Variants in CTNNA1 observed in about 807,000 individuals in gnomAD.
CTNNA1 encodes the protein catenin alpha 1.
Under a neutral mutation model 98.4 loss-of-function variants are expected in CTNNA1, and 37 were observed. That is an observed-to-expected ratio of 0.38 (90% CI 0.29 to 0.49). CTNNA1 has a LOEUF of 0.49. CTNNA1 is among the 20% of genes least tolerant of loss of function. CTNNA1 has a pLI of 0.95. For missense variants in CTNNA1, 761 were observed against 1,147.2 expected, an observed-to-expected ratio of 0.66 and a Z score of 4.86; for synonymous variants, 404 against 413.2, an observed-to-expected ratio of 0.98 and a Z score of 0.27.
At chr5:138,819,333 C>T (rs116802170) in intron 5 of CTNNA1, among the ~76,000 whole-genome samples, 1,781 of 152,216 alleles carry the variant, frequency 0.012, 29 homozygotes, top group African/African-American at 0.041. Flanking sequence ...AACAGCACAG[C>T]GATTACTCTA....
At chr5:138,887,361 G>A in intron 8 of CTNNA1, 129 bp from the exon 9 acceptor site, 10 of 594,252 alleles carry the variant, frequency 1.7e-5, no homozygotes, top group Non-Finnish European at 2.6e-5. Flanking sequence ...TTACATGAGG[G>A]GTCCTCATGT....
At chr5:138,915,428 A>T (rs757249815) in intron 10 of CTNNA1, among the ~76,000 whole-genome samples, 36 of 152,214 alleles carry the variant, frequency 2.4e-4, no homozygotes, top group Non-Finnish European at 1.2e-4. Flanking sequence ...GGGGAAAATA[A>T]CAAGTGTTAG....
intron 1 of CTNNA1, among the ~76,000 whole-genome samples, chr5:138,779,248 G>A (rs907892646): frequency 6.6e-6 from 1 of 152,116 alleles, no homozygotes; most frequent in Non-Finnish European, 1.5e-5. Context: ...AGTGGGGGTT[G>A]CAAGATGGTC....
chr5:138,837,569 TCTC>T (rs1374774899), intron 7 of CTNNA1, among the ~76,000 whole-genome samples: 1 of 133,594 alleles, frequency 7.5e-6, no homozygotes. Flanking sequence ...TCTCTTCTCT[TCTC>T]CTCTCTCCTC....
At chr5:138,792,344 C>A (rs1227046400) in intron 3 of CTNNA1, among the ~76,000 whole-genome samples, 1 of 152,184 alleles carries the variant, frequency 6.6e-6, no homozygotes, top group African/African-American at 2.4e-5. Flanking sequence ...TGGCAACTGA[C>A]TAGAGTCAAG....
At chr5:138,909,915 G>A (rs541957696) in intron 10 of CTNNA1, among the ~76,000 whole-genome samples, 77 of 152,294 alleles carry the variant, frequency 5.1e-4, no homozygotes, top group Admixed American at 1.7e-3. Flanking sequence ...GGCTTCAGCT[G>A]TCACTTAACC....
chr5:138,787,623 A>C (rs908333231), intron 3 of CTNNA1, among the ~76,000 whole-genome samples: 15 of 152,218 alleles, frequency 9.9e-5, no homozygotes, highest in Admixed American at 4.6e-4. Context: ...GTCTTCAAAA[A>C]GGTAGTTATT....
rs772061558 is a variant in CTNNA1, at chr5:138,783,270, C to T, written c.199C>T (p.Gln67Ter). ...KAHVLAASVE[Q>*]ATENFLEKGD... ...CCATGTTTTGGCTGCATCTGTTGAA[C>T]AAGCAACTGAGAATTTCTTGGAGAA... Residue 67 changes from glutamine to a stop codon, truncating the protein, a stop_gained, in exon 3 of 18, where the codon CAA (glutamine) becomes TAA (stop). Coordinates refer to ENST00000302763, the MANE Select transcript of CTNNA1 (RefSeq NM_001903.5). LOFTEE classifies it high-confidence loss of function. The T allele has an allele frequency of 6.2e-7, 1 of 1,614,072 alleles. No homozygotes were observed. The highest frequency in any genetic ancestry group is 8.5e-7 in the Non-Finnish European group (1 of 1,179,984).
At position 138,837,463 on chromosome 5, in the gene CTNNA1, C is replaced by T. The variant is rs527824696; in HGVS notation, c.1062+9745C>T. 6.6e-5 allele frequency among the ~76,000 whole-genome samples: 9 copies of T among 135,466 alleles called. No individual in the cohort carries two copies. In the South Asian group the frequency reaches 8.6e-4, roughly 13 times the overall value. 88.9% of individuals were successfully genotyped at this position (135,466 alleles called of 152,430 possible). A position where few individuals can be genotyped will look rare whatever the true frequency, so the allele number is the denominator to read the frequency against. On this transcript the variant is annotated intron_variant, in intron 7 of 17. Coordinates refer to ENST00000302763, the MANE Select transcript of CTNNA1 (RefSeq NM_001903.5). ...TTCTTCTTTCCTCCTGTTCCTCCTCCTCCCCCTCCTCTTGATCCTCCCCCT... is the reference window on the plus strand; with the variant it reads ...TTCTTCTTTCCTCCTGTTCCTCCTCTTCCCCCTCCTCTTGATCCTCCCCCT...
At chr5:138,918,205 T>C (rs767789786) in intron 11 of CTNNA1, among the ~76,000 whole-genome samples, 1 of 152,076 alleles carries the variant, frequency 6.6e-6, no homozygotes, top group Non-Finnish European at 1.5e-5. Context: ...AGTGAGGTCT[T>C]TCAACTGGGA....
At chr5:138,827,328 C>T (rs973486664) in intron 6 of CTNNA1, among the ~76,000 whole-genome samples, 187 bp from the exon 7 acceptor site, 3 of 152,184 alleles carry the variant, frequency 2.0e-5, no homozygotes, top group Non-Finnish European at 4.4e-5. Flanking sequence ...CCACTGCTTT[C>T]TTTGAGGAGT....
chr5:138,899,948 A>G (rs1757674391), intron 9 of CTNNA1, among the ~76,000 whole-genome samples: 1 of 152,202 alleles, frequency 6.6e-6, no homozygotes, highest in Non-Finnish European at 1.5e-5. Context: ...TCTATTATCC[A>G]TGCATACTTC....
At chr5:138,878,663 G>T (rs1752193708) in intron 7 of CTNNA1, among the ~76,000 whole-genome samples, 1 of 152,172 alleles carries the variant, frequency 6.6e-6, no homozygotes, top group African/African-American at 2.4e-5. Flanking sequence ...CATATGTATT[G>T]CTGATTAGGG....
chr5:138,929,438 C>A (rs41300797), intron 14 of CTNNA1, 82 bp downstream of exon 14: 141 of 726,178 alleles, frequency 1.9e-4, no homozygotes, highest in Non-Finnish European at 3.1e-4. Context: ...AAAACACCCT[C>A]AGTATTCAGA....
chr5:138,791,418 A>G (rs900725233), intron 3 of CTNNA1, among the ~76,000 whole-genome samples: 4 of 151,680 alleles, frequency 2.6e-5, no homozygotes, highest in African/African-American at 9.7e-5. Flanking sequence ...GGAGATGAAG[A>G]CCCTCCTGGC....
At chr5:138,787,848 A>G (rs1169452736) in intron 3 of CTNNA1, among the ~76,000 whole-genome samples, 1 of 152,204 alleles carries the variant, frequency 6.6e-6, no homozygotes, top group Non-Finnish European at 1.5e-5. Context: ...TAATGCTGTA[A>G]GTGATGTTAA....
At chr5:138,844,431 C>T (rs936760045) in intron 7 of CTNNA1, among the ~76,000 whole-genome samples, 3 of 152,152 alleles carry the variant, frequency 2.0e-5, no homozygotes, top group Non-Finnish European at 4.4e-5. Context: ...TAATAAATGG[C>T]AGTAATCAGG....
chr5:138,854,450 G>A (rs1763539479), intron 7 of CTNNA1, among the ~76,000 whole-genome samples: 1 of 152,200 alleles, frequency 6.6e-6, no homozygotes, highest in South Asian at 2.1e-4. Flanking sequence ...ACATGTACTT[G>A]TGTCTGTACA....
At chr5:138,765,197 C>T (rs563616324) in intron 1 of CTNNA1, among the ~76,000 whole-genome samples, 3 of 152,206 alleles carry the variant, frequency 2.0e-5, no homozygotes, top group Admixed American at 6.5e-5. Flanking sequence ...CCCACCACCA[C>T]GCCCAGCTAA....
Sources: allele counts gnomAD v4.1 joint callset (sites outside exome capture counted in the v4.1 genomes callset), GRCh38; gene constraint gnomAD v4.1.1; transcripts MANE v1.5; gene names NCBI Gene and HGNC (gene_info 2026-07-23, HGNC 2026-07-21).